The following SH3PXD2A variants were observed in gnomAD, a reference collection of about 807,000 sequenced individuals.
The protein encoded by SH3PXD2A is SH3 and PX domain-containing protein 2A.
SH3PXD2A carries 32 observed loss-of-function variants against 115.2 expected under a neutral mutation model. That is an observed-to-expected ratio of 0.28 (90% CI 0.21 to 0.37). The LOEUF (loss-of-function observed/expected upper bound fraction) is 0.37, where lower values mean the gene tolerates loss of function less well. SH3PXD2A is among the 10% of genes least tolerant of loss of function. SH3PXD2A has a pLI of 1.00. For synonymous variants in SH3PXD2A, 610 were observed against 629.1 expected, an observed-to-expected ratio of 0.97 and a Z score of 0.45; for missense variants, 1,328 against 1,498.7, an observed-to-expected ratio of 0.89 and a Z score of 1.88.
At chr10:103,691,367 G>C (rs1437871604) in intron 6 of SH3PXD2A, among the ~76,000 whole-genome samples, 1 of 152,168 alleles carries the variant, frequency 6.6e-6, no homozygotes, top group Non-Finnish European at 1.5e-5. Context: ...CTGAGGCACA[G>C]AGAAGTTATG....
At chr10:103,719,666 TATAAC>T (rs956822167) in intron 5 of SH3PXD2A, among the ~76,000 whole-genome samples, 7 of 152,072 alleles carry the variant, frequency 4.6e-5, no homozygotes, top group African/African-American at 9.7e-5. Context: ...TTCAGGCTGT[TATAAC>T]AGAGTACCTT....
chr10:103,823,119 C>A (rs139335216), intron 1 of SH3PXD2A, among the ~76,000 whole-genome samples: 96 of 152,278 alleles, frequency 6.3e-4, no homozygotes, highest in African/African-American at 2.1e-3. Context: ...AAAAGTGTGT[C>A]AAGTTATATG....
At chr10:103,843,078 C>T (rs1047195410) in intron 1 of SH3PXD2A, among the ~76,000 whole-genome samples, 2 of 152,070 alleles carry the variant, frequency 1.3e-5, no homozygotes, top group East Asian at 1.9e-4. Context: ...GCAATAGTGC[C>T]GTTTATGGAA....
rs1277885378 is a variant in SH3PXD2A, at chr10:103,771,780, C to CAT, written c.154-4612_154-4611insAT. ...ACACACACACACACACACACACACA[C>CAT]AGACACACACATACCCTGCAGCCTT... is the stretch of plus-strand genomic sequence containing the variant. On this transcript the variant is annotated intron_variant, in intron 2 of 14. Transcript: ENST00000369774. 6.7e-5 allele frequency among the ~76,000 whole-genome samples: 10 copies of CAT among 149,806 alleles called. No individual in the cohort carries two copies. The East Asian group carries it at 2.0e-3, about 29-fold the overall frequency.
At chr10:103,626,988 C>G in intron 9 of SH3PXD2A, 101 bp downstream of exon 9, 1 of 701,524 alleles carries the variant, frequency 1.4e-6, no homozygotes, top group Non-Finnish European at 2.6e-6. Context: ...TAGGATATGG[C>G]TCAGCTCACT....
At chr10:103,617,550 A>G (rs1003938159) in intron 10 of SH3PXD2A, among the ~76,000 whole-genome samples, 22 of 152,308 alleles carry the variant, frequency 1.4e-4, no homozygotes, top group African/African-American at 5.3e-4. Context: ...GCCAGGACCC[A>G]GGTTGTCAGG....
At position 103,596,775 on chromosome 10, in the gene SH3PXD2A, C is replaced by G. The variant is rs2036142993; in HGVS notation, c.*5041G>C. The G allele has an allele frequency of 6.6e-6, 1 of 152,508 alleles. No individual in the cohort carries two copies. The highest frequency in any genetic ancestry group is 6.6e-5 in the Admixed American group (1 of 15,262). 9.4% of individuals were successfully genotyped at this position (152,508 alleles called of 1,614,324 possible). A position where few individuals can be genotyped will look rare whatever the true frequency, so the allele number is the denominator to read the frequency against. ...TCCCAGAGAGCTCTGCTTTGAGATT[C>G]TCAAAGACTAAATATCTAGATGGAT... is the stretch of plus-strand genomic sequence containing the variant. On this transcript the variant is annotated 3_prime_UTR_variant, in exon 15 of 15. Transcript: ENST00000369774.
In SH3PXD2A at chr10:103,699,342, G is replaced by T. The variant is rs192689667; in HGVS notation, c.399-6286C>A. ...AGAAATGATCAGCGAGTCACCCCTG[G>T]CAAGGCTGTTTTGTGGCACCTGCAT... On this transcript the variant is annotated intron_variant, in intron 5 of 14. Transcript: ENST00000369774. Among the ~76,000 whole-genome samples the T allele has an allele frequency of 2.0e-5, 3 of 152,290 alleles. No individual in the cohort carries two copies. The East Asian group carries it at 5.8e-4, about 29-fold the overall frequency.
At chr10:103,698,722 T>C (rs576895857) in intron 5 of SH3PXD2A, among the ~76,000 whole-genome samples, 2 of 152,036 alleles carry the variant, frequency 1.3e-5, no homozygotes, top group Non-Finnish European at 2.9e-5. Context: ...GCAGAAGAGA[T>C]ATATGTGACA....
chr10:103,768,917 G>A (rs1434725432), intron 2 of SH3PXD2A, among the ~76,000 whole-genome samples: 8 of 152,076 alleles, frequency 5.3e-5, no homozygotes, highest in Admixed American at 4.6e-4. Flanking sequence ...ATCACAGGGC[G>A]AGACAGGAAG....
intron 5 of SH3PXD2A, among the ~76,000 whole-genome samples, chr10:103,714,963 G>A (rs2038088868): frequency 1.3e-5 from 2 of 152,194 alleles, no homozygotes; most frequent in South Asian, 4.1e-4. Context: ...AGCCTGCAGG[G>A]TGGTAGGGGC....
chr10:103,699,336 C>A (rs1207740594), intron 5 of SH3PXD2A, among the ~76,000 whole-genome samples: 1 of 152,100 alleles, frequency 6.6e-6, no homozygotes, highest in Non-Finnish European at 1.5e-5. Context: ...CAGCGAGTCA[C>A]CCCTGGCAAG....
At chr10:103,760,412 A>C (rs1433008202) in intron 3 of SH3PXD2A, among the ~76,000 whole-genome samples, 2 of 152,140 alleles carry the variant, frequency 1.3e-5, no homozygotes, top group African/African-American at 2.4e-5. Flanking sequence ...CTACAAAAAA[A>C]TACAAAAATT....
intron 8 of SH3PXD2A, among the ~76,000 whole-genome samples, chr10:103,660,149 A>G (rs938640874): frequency 1.2e-4 from 19 of 152,086 alleles, no homozygotes; most frequent in African/African-American, 4.3e-4. Flanking sequence ...AAACTGAAAC[A>G]AAACACCCCA....
At chr10:103,618,629 C>T (rs755022141) in intron 10 of SH3PXD2A, among the ~76,000 whole-genome samples, 4 of 152,216 alleles carry the variant, frequency 2.6e-5, no homozygotes, top group Non-Finnish European at 4.4e-5. Context: ...TGGCAGACAG[C>T]GAGACACTGT....
At chr10:103,699,610 G>GT (rs990664688) in intron 5 of SH3PXD2A, among the ~76,000 whole-genome samples, 3 of 152,034 alleles carry the variant, frequency 2.0e-5, no homozygotes, top group African/African-American at 2.4e-5. Context: ...GAGAGTTGGG[G>GT]TTTTTTTTCC....
intron 13 of SH3PXD2A, 127 bp downstream of exon 13, chr10:103,611,454 A>G: frequency 1.2e-6 from 1 of 850,338 alleles, no homozygotes; most frequent in Admixed American, 1.9e-5. Flanking sequence ...CAAAACTAGA[A>G]GCCCCAGCAG....
At chr10:103,745,638 T>C (rs1202085702) in intron 3 of SH3PXD2A, among the ~76,000 whole-genome samples, 5 of 152,214 alleles carry the variant, frequency 3.3e-5, no homozygotes, top group Admixed American at 6.5e-5. Flanking sequence ...GGGCCCTGCC[T>C]GTCTCCTTGC....
At position 103,602,177 on chromosome 10, in the gene SH3PXD2A, C is replaced by A; in HGVS notation, c.3041G>T (p.Arg1014Leu). 6.4e-7 allele frequency: 1 copy of A among 1,574,706 alleles called. No homozygotes were observed. The highest frequency in any genetic ancestry group is 8.6e-7 in the Non-Finnish European group (1 of 1,158,802). The change falls in exon 15 of 15, where the codon CGG (arginine) becomes CTG (leucine). Residue 1014 changes from arginine to leucine, a missense_variant. Arg to Leu is a moderately radical substitution (Grantham distance 102). Transcript: ENST00000369774. Reference sequence around the variant, plus strand: ...GCGAGCAGTGCTAAAGGAGGAGTTCCGTCGGACGCCTCGGAGGCCATCAGT... The same window carrying A: ...GCGAGCAGTGCTAAAGGAGGAGTTCAGTCGGACGCCTCGGAGGCCATCAGT... ...TATDGLRGVRRNSSFSTARSA... is the reference protein window; with the variant it reads ...TATDGLRGVRLNSSFSTARSA...
Sources: gnomAD v4.1 joint callset for allele counts (sites outside exome capture counted in the v4.1 genomes callset) on GRCh38, gnomAD v4.1.1 for gene constraint, MANE v1.5 for transcripts, NCBI Gene and HGNC (gene_info 2026-07-23, HGNC 2026-07-21) for gene names.